Variants in GABRQ observed in about 807,000 individuals in gnomAD.
GABRQ encodes the protein gamma-aminobutyric acid type A receptor subunit theta.
Under a neutral mutation model 30.5 loss-of-function variants are expected in GABRQ, and 19 were observed. That is an observed-to-expected ratio of 0.62 (90% CI 0.43 to 0.91). The LOEUF is 0.91. GABRQ is among the 40% of genes least tolerant of loss of function. The pLI is 0.00. For missense variants in GABRQ, 520 were observed against 521.4 expected, an observed-to-expected ratio of 1.00 and a Z score of 0.03; for synonymous variants, 187 against 210.2, an observed-to-expected ratio of 0.89 and a Z score of 0.95.
Position 152,652,829 on chromosome X carries a change from C to T in GABRQ, c.1447C>T (p.Arg483Cys), listed in dbSNP as rs782062554. 7 of 1,209,451 alleles carry T rather than the reference C, an allele frequency of 5.8e-6. No homozygotes were observed. In the African/African-American group the frequency reaches 7.0e-5, roughly 12 times the overall value. The change falls in exon 9 of 9, where the codon CGC becomes TGC. Residue 483 changes from arginine (R) to cysteine (C), a missense_variant. Physicochemically the swap from Arg to Cys is radical, Grantham distance 180 (BLOSUM62 -3). Coordinates refer to ENST00000598523, the MANE Select transcript of GABRQ (RefSeq NM_018558.4). Reference sequence around the variant, plus strand: ...TGACAGTATTATTCCTACCGAAATCCGCAACCGTGTCGAAGCCCATGGCCA... The same window carrying T: ...TGACAGTATTATTCCTACCGAAATCTGCAACCGTGTCGAAGCCCATGGCCA... ...ADDSIIPTEI[R>C]NRVEAHGHGV... is the part of the protein sequence containing the mutation.
intron 1 of GABRQ, among the ~76,000 whole-genome samples, 161 bp downstream of exon 1, chrX:152,638,512 C>G (rs1930669297): frequency 8.9e-6 from 1 of 111,808 alleles, no homozygotes; most frequent in Non-Finnish European, 1.9e-5. Flanking sequence ...CTGTTGGCCC[C>G]TAGAAGGGGT....
At position 152,649,243 on chromosome X, in the gene GABRQ, C is replaced by T. The variant is rs370812571; in HGVS notation, c.528-8C>T. On this transcript the variant is annotated splice_polypyrimidine_tract_variant and splice_region_variant and intron_variant, in intron 4 of 8. Transcript: ENST00000598523. ...CACTTTCTCCTTCCTTTTTGTTTTC[C>T]TTTGCAGACTCACCACTACAGCAGC... The T allele has an allele frequency of 8.6e-7, 1 of 1,160,974 alleles. No individual in the cohort carries two copies. The highest frequency in any genetic ancestry group is 1.2e-6 in the Non-Finnish European group (1 of 849,574).
rs1027499780 is a variant in GABRQ, at chrX:152,649,103, T to C, written c.528-148T>C. 8.4e-6 allele frequency: 4 copies of C among 477,381 alleles called. No homozygotes were observed. In the African/African-American group the frequency reaches 9.4e-5, roughly 11 times the overall value. 39.3% of individuals were successfully genotyped at this position (477,381 alleles called of 1,213,427 possible). A position where few individuals can be genotyped will look rare whatever the true frequency, so the allele number is the denominator to read the frequency against. Reference sequence around the variant, plus strand: ...ATGTGCTGCCAGGTCTCTTGGTTACTTTGTCACAAACAAATTTCCTCTCTC... The same window carrying C: ...ATGTGCTGCCAGGTCTCTTGGTTACCTTGTCACAAACAAATTTCCTCTCTC... On this transcript the variant is annotated intron_variant, in intron 4 of 8. Transcript: ENST00000598523.
chrX:152,643,048 A>G (rs60306138), intron 2 of GABRQ, among the ~76,000 whole-genome samples: 1,868 of 112,113 alleles, frequency 0.017, 31 homozygotes, highest in African/African-American at 0.057. Context: ...GCATTCCACC[A>G]TAAGGAAAGG....
chrX:152,650,657 C>A, intron 7 of GABRQ, 77 bp downstream of exon 7: 1 of 749,899 alleles, frequency 1.3e-6, no homozygotes, highest in Non-Finnish European at 2.0e-6. Context: ...GGAAAAAGTA[C>A]CCAGAACAGT....
chrX:152,645,624 G>T, intron 3 of GABRQ, 30 bp downstream of exon 3: 1 of 840,462 alleles, frequency 1.2e-6, no homozygotes, highest in South Asian at 2.1e-5. Flanking sequence ...CCATGGGGTT[G>T]GGAACAGAGG....
chrX:152,647,938 T>C (rs928952275), intron 4 of GABRQ, among the ~76,000 whole-genome samples: 1 of 112,129 alleles, frequency 8.9e-6, no homozygotes, highest in Non-Finnish European at 1.9e-5. Context: ...TGGGTTTCTC[T>C]TTCTCCGTGG....
chrX:152,651,250 G>C (rs1931011870), intron 7 of GABRQ, among the ~76,000 whole-genome samples: 1 of 112,291 alleles, frequency 8.9e-6, no homozygotes, highest in Non-Finnish European at 1.9e-5. Flanking sequence ...AAAGGCAAAA[G>C]GGAAAGGAGC....
At chrX:152,641,888 A>G (rs953389428) in intron 2 of GABRQ, among the ~76,000 whole-genome samples, 9 of 111,677 alleles carry the variant, frequency 8.1e-5, no homozygotes, top group Non-Finnish European at 1.7e-4. Context: ...TGCCTTTCTC[A>G]CGTTTCTCAG....
chrX:152,641,801 C>A (rs1293159111), intron 2 of GABRQ, among the ~76,000 whole-genome samples: 2 of 112,474 alleles, frequency 1.8e-5, no homozygotes, highest in African/African-American at 3.2e-5. Context: ...TGTATGGCAG[C>A]GACTTTGGAA....
intron 5 of GABRQ, 51 bp downstream of exon 5, chrX:152,649,384 C>A: frequency 1.3e-6 from 1 of 751,690 alleles, no homozygotes; most frequent in Non-Finnish European, 2.1e-6. Flanking sequence ...CTGTGGTGAT[C>A]AGGGAAGCAG....
intron 3 of GABRQ, 69 bp downstream of exon 3, chrX:152,645,663 C>T (rs1199414839): frequency 2.0e-5 from 13 of 656,516 alleles, no homozygotes; most frequent in Non-Finnish European, 3.3e-5. Flanking sequence ...GCTTATAATC[C>T]AAGTCCAGTT....
At chrX:152,640,712 C>A (rs782140629) in intron 2 of GABRQ, among the ~76,000 whole-genome samples, 2 of 111,933 alleles carry the variant, frequency 1.8e-5, no homozygotes, top group South Asian at 7.6e-4. Context: ...CTCCACACTC[C>A]CCTTACAAAG....
chrX:152,644,495 C>T (rs1930838993), intron 2 of GABRQ, among the ~76,000 whole-genome samples: 1 of 112,639 alleles, frequency 8.9e-6, no homozygotes, highest in East Asian at 2.8e-4. Flanking sequence ...CATACACGAA[C>T]ATGCTAATAC....
Position 152,657,303 on chromosome X carries a change from G to T in GABRQ, c.*4022G>T, listed in dbSNP as rs1931168696. The T allele has an allele frequency of 9.0e-6, 1 of 111,586 alleles. No individual in the cohort carries two copies. Among genetic ancestry groups the T allele is most frequent in the Non-Finnish European group, 1.9e-5 (1 of 53,130 alleles). The allele number at this position is 111,586 out of a possible 1,213,427, so 9.2% of individuals were successfully genotyped here. A position where few individuals can be genotyped will look rare whatever the true frequency, so the allele number is the denominator to read the frequency against. On this transcript the variant is annotated 3_prime_UTR_variant, in exon 9 of 9. Coordinates refer to ENST00000598523, the MANE Select transcript of GABRQ (RefSeq NM_018558.4). ...AAAAGAGGAGAAAGACCAAGACCTG[G>T]ATGTCCTGGACGACCTGACCCAAAA...
At chrX:152,638,435 C>T in intron 1 of GABRQ, 84 bp downstream of exon 1, 2 of 972,811 alleles carry the variant, frequency 2.1e-6, no homozygotes, top group Non-Finnish European at 2.9e-6. Context: ...ACGGAGCGGG[C>T]TGGGGGCGAC....
intron 2 of GABRQ, among the ~76,000 whole-genome samples, chrX:152,640,757 T>C (rs1930738023): frequency 8.9e-6 from 1 of 111,771 alleles, no homozygotes; most frequent in African/African-American, 3.3e-5. Context: ...CAGAAATGGG[T>C]GTACAGGATG....
rs1556820645 is a variant in GABRQ, at chrX:152,653,141, G to A, written c.1759G>A (p.Gly587Arg). The A allele has an allele frequency of 1.7e-6, 2 of 1,211,564 alleles. No individual in the cohort carries two copies. Among genetic ancestry groups the A allele is most frequent in the South Asian group, 3.5e-5 (2 of 56,994 alleles). ...ESEDSCPPSP[G>R]CSFTEGFSFD... ...TGAGGATAGTTGCCCCCCAAGCCCT[G>A]GGTGCTCCTTCACTGAAGGGTTCTC... is the stretch of plus-strand genomic sequence containing the variant. The change falls in exon 9 of 9, where the codon GGG becomes AGG. Residue 587 changes from glycine (G) to arginine (R), a missense_variant. Transcript: ENST00000598523.
At chrX:152,641,134 C>T (rs1347761575) in intron 2 of GABRQ, among the ~76,000 whole-genome samples, 2 of 111,786 alleles carry the variant, frequency 1.8e-5, no homozygotes, top group East Asian at 5.6e-4. Flanking sequence ...ACACACAAAC[C>T]CCCAGGAAAA....
Sources: allele counts gnomAD v4.1 joint callset (sites outside exome capture counted in the v4.1 genomes callset), GRCh38; gene constraint gnomAD v4.1.1; transcripts MANE v1.5; gene names NCBI Gene and HGNC (gene_info 2026-07-23, HGNC 2026-07-21).